ROBO2: variants seen among roughly 807,000 people sequenced by gnomAD.
ROBO2 encodes roundabout guidance receptor 2, also known as roundabout homolog 2.
ROBO2 carries 53 observed loss-of-function variants against 160.8 expected under a neutral mutation model. The ratio of observed to expected loss-of-function variants is 0.33; its 90% CI spans 0.26 to 0.41. ROBO2 has a LOEUF of 0.41. Ranked by LOEUF, ROBO2 falls within the 10% of genes least tolerant of loss-of-function variation. The pLI is 1.00. For synonymous variants in ROBO2, 664 were observed against 611.7 expected, an observed-to-expected ratio of 1.09 and a Z score of -1.26; for missense variants, 1,577 against 1,722.4, an observed-to-expected ratio of 0.92 and a Z score of 1.49.
intron 2 of ROBO2, among the ~76,000 whole-genome samples, chr3:77,364,631 G>A (rs150990907): frequency 6.6e-5 from 10 of 151,854 alleles, no homozygotes; most frequent in African/African-American, 2.4e-4. Flanking sequence ...TGGGCAAATA[G>A]TTTCTCTAAG....
At chr3:77,023,713 G>T (rs137998481) in intron 2 of ROBO2, among the ~76,000 whole-genome samples, 11 of 152,220 alleles carry the variant, frequency 7.2e-5, no homozygotes, top group Non-Finnish European at 1.3e-4. Context: ...CTTTTAAAAT[G>T]CCTCTTTCAA....
At chr3:76,824,314 C>G (rs1262915465) in intron 2 of ROBO2, among the ~76,000 whole-genome samples, 2 of 152,190 alleles carry the variant, frequency 1.3e-5, no homozygotes, top group Admixed American at 1.3e-4. Flanking sequence ...CTGTTACTAC[C>G]TGGAACTACT....
intron 2 of ROBO2, among the ~76,000 whole-genome samples, chr3:77,294,821 T>G (rs1031494852): frequency 6.7e-6 from 1 of 148,190 alleles, no homozygotes; most frequent in African/African-American, 2.5e-5. Flanking sequence ...ACCCCAGACA[T>G]AAAGTAAAAT....
Position 76,174,473 on chromosome 3 carries a change from CT to C in ROBO2, c.109+236875del, listed in dbSNP as rs544681559. Among the ~76,000 whole-genome samples the C allele has an allele frequency of 3.9e-5, 6 of 152,202 alleles. No individual in the cohort carries two copies. The South Asian group carries it at 1.2e-3, about 32-fold the overall frequency. ...TCCTGAATGGTATTGCCTAGGTATTCTTTTAGGGTTTTTATGGTTTTAGGTT... is the reference window on the plus strand; with the variant it reads ...TCCTGAATGGTATTGCCTAGGTATTCTTTAGGGTTTTTATGGTTTTAGGTT... On this transcript the variant is annotated intron_variant, in intron 2 of 26. Coordinates refer to the ROBO2 transcript ENST00000487694.
chr3:76,162,241 G>T (rs2072670783), intron 2 of ROBO2, among the ~76,000 whole-genome samples: 1 of 152,184 alleles, frequency 6.6e-6, no homozygotes, highest in African/African-American at 2.4e-5. Flanking sequence ...TTAAGAGCAA[G>T]AACTCAAAAG....
chr3:77,198,893 ACT>A (rs2082557474), intron 2 of ROBO2, among the ~76,000 whole-genome samples: 2 of 151,652 alleles, frequency 1.3e-5, no homozygotes, highest in Non-Finnish European at 1.5e-5. Context: ...ACAGGGCGAG[ACT>A]CTGTCCTAAA....
In ROBO2 at chr3:76,832,314, G is replaced by T. The variant is rs145570087; in HGVS notation, c.110-265700G>T. On this transcript the variant is annotated intron_variant, in intron 2 of 26. Transcript: ENST00000487694. ...TGGATATTATGCCAGACTATTTCCTGCTCTCTGTTAAAATCAATATGAAAT... is the reference window on the plus strand; with the variant it reads ...TGGATATTATGCCAGACTATTTCCTTCTCTCTGTTAAAATCAATATGAAAT... 1.1e-3 allele frequency among the ~76,000 whole-genome samples: 173 copies of T among 152,262 alleles called. 1 individual carries two copies. Among genetic ancestry groups the T allele is most frequent in the African/African-American group, 3.9e-3 (162 of 41,574 alleles).
intron 2 of ROBO2, among the ~76,000 whole-genome samples, chr3:77,305,919 C>A (rs190316976): frequency 6.6e-6 from 1 of 152,152 alleles, no homozygotes; most frequent in African/African-American, 2.4e-5. Context: ...CCCTTTTATT[C>A]TTTTGAAGAC....
At chr3:76,305,642 C>T (rs1294540979) in intron 2 of ROBO2, among the ~76,000 whole-genome samples, 1 of 151,440 alleles carries the variant, frequency 6.6e-6, no homozygotes, top group African/African-American at 2.4e-5. Flanking sequence ...GCTTGTAATC[C>T]CAGCTACTCA....
intron 2 of ROBO2, among the ~76,000 whole-genome samples, chr3:76,969,570 T>C (rs1331717191): frequency 1.3e-5 from 2 of 152,226 alleles, no homozygotes; most frequent in East Asian, 3.9e-4. Flanking sequence ...AATAATTCTT[T>C]TGAAGAATAC....
At chr3:76,371,867 A>G (rs2076120242) in intron 2 of ROBO2, among the ~76,000 whole-genome samples, 1 of 151,926 alleles carries the variant, frequency 6.6e-6, no homozygotes, top group Non-Finnish European at 1.5e-5. Flanking sequence ...CCATAATATC[A>G]GTACATAAGC....
chr3:76,969,076 G>A (rs934007139), intron 2 of ROBO2, among the ~76,000 whole-genome samples: 10 of 152,262 alleles, frequency 6.6e-5, no homozygotes, highest in Middle Eastern at 3.4e-3. Flanking sequence ...CTTGGAGTAA[G>A]TGAAATACAT....
chr3:77,143,189 T>C (rs1487358646), intron 2 of ROBO2, among the ~76,000 whole-genome samples: 2 of 134,302 alleles, frequency 1.5e-5, no homozygotes, highest in African/African-American at 3.1e-5. Context: ...TTTTTTTTTT[T>C]TTTTTTTTTT....
At chr3:76,457,806 A>G (rs1485270267) in intron 2 of ROBO2, among the ~76,000 whole-genome samples, 2 of 152,064 alleles carry the variant, frequency 1.3e-5, no homozygotes, top group Admixed American at 6.5e-5. Flanking sequence ...TCAACACCAC[A>G]TGGAAGTTGC....
chr3:76,388,910 C>A (rs1201630552), intron 2 of ROBO2, among the ~76,000 whole-genome samples: 1 of 151,936 alleles, frequency 6.6e-6, no homozygotes, highest in East Asian at 1.9e-4. Flanking sequence ...CTTAAAAAAT[C>A]TTTTCAATCT....
chr3:76,940,164 A>G (rs991443004), intron 2 of ROBO2, among the ~76,000 whole-genome samples: 2 of 151,918 alleles, frequency 1.3e-5, no homozygotes, highest in African/African-American at 4.8e-5. Context: ...TTGTATTTTT[A>G]GTAGAGACGG....
At chr3:77,397,527 A>G (rs1249942003) in intron 2 of ROBO2, among the ~76,000 whole-genome samples, 1 of 152,106 alleles carries the variant, frequency 6.6e-6, no homozygotes, top group Non-Finnish European at 1.5e-5. Context: ...GTAAGTGTGA[A>G]TGCGATTAGT....
In ROBO2 at chr3:76,061,870, G is replaced by A. The variant is rs555825382; in HGVS notation, c.109+124268G>A. Reference sequence around the variant, plus strand: ...GTCCATTTCCTTTCTTTTTCTGTCCGACAGGGGCCACCCGCATTCTTTGGC... The same window carrying A: ...GTCCATTTCCTTTCTTTTTCTGTCCAACAGGGGCCACCCGCATTCTTTGGC... On this transcript the variant is annotated intron_variant, in intron 2 of 26. Transcript: ENST00000487694. 6.6e-5 allele frequency among the ~76,000 whole-genome samples: 10 copies of A among 152,058 alleles called. No homozygotes were observed. In the South Asian group the frequency reaches 1.0e-3, roughly 16 times the overall value.
intron 2 of ROBO2, among the ~76,000 whole-genome samples, chr3:77,330,171 G>C (rs1476993563): frequency 1.3e-5 from 2 of 152,064 alleles, no homozygotes; most frequent in Non-Finnish European, 2.9e-5. Context: ...GAATAACCTA[G>C]AACTTGGTAT....
Sources: gnomAD v4.1 joint callset for allele counts (sites outside exome capture counted in the v4.1 genomes callset) on GRCh38, gnomAD v4.1.1 for gene constraint, MANE v1.5 for transcripts, NCBI Gene and HGNC (gene_info 2026-07-23, HGNC 2026-07-21) for gene names.